CUL7: variants seen among roughly 807,000 people sequenced by gnomAD.
CUL7 encodes cullin-7.
CUL7 carries 96 observed loss-of-function variants against 177.7 expected under a neutral mutation model. The observed-to-expected ratio is 0.54, with a 90% CI of 0.46 to 0.64. The LOEUF (loss-of-function observed/expected upper bound fraction) is 0.64. Ranked by LOEUF, CUL7 falls within the 30% of genes least tolerant of loss-of-function variation. CUL7 has a pLI of 0.00. For missense variants in CUL7, 1,893 were observed against 2,187.9 expected (o/e 0.87, Z 2.69); for synonymous variants, 824 against 890.2 (o/e 0.93, Z 1.32).
chr6:43,051,718 A>G lies in CUL7; in HGVS notation c.626T>C (p.Ile209Thr). The change falls in exon 3 of 26, where the codon ATT becomes ACT. Residue 209 changes from isoleucine (I) to threonine (T), a missense_variant. Around this residue, in one of 5 missense-constraint regions of CUL7, gnomAD observed 653 missense variants for 725.2 expected, o/e 0.90. Coordinates refer to ENST00000265348, the MANE Select transcript of CUL7 (RefSeq NM_014780.5). This position sits in a 1 kb window ranked among gnomAD's most constrained non-coding sequence, Gnocchi z 5.0. ...ILLSLSQQEAIEKHLDFDSRC... is the reference protein window; with the variant it reads ...ILLSLSQQEATEKHLDFDSRC... Reference sequence around the variant, plus strand: ...GCTGTCAAAATCCAGGTGTTTCTCAATGGCTTCTTGTTGGCTCAGTGACAG... The same window carrying G: ...GCTGTCAAAATCCAGGTGTTTCTCAGTGGCTTCTTGTTGGCTCAGTGACAG... 1 of 1,614,138 alleles carries G rather than the reference A, an allele frequency of 6.2e-7. No individual in the cohort carries two copies.
chr6:43,038,452 C>T lies in CUL7; in HGVS notation c.4588G>A (p.Gly1530Ser). ...IPGGVLKIRD[G>S]SKEPRSRWDI... is the part of the protein sequence containing the mutation. ...CATCTCGACCTGGGTTCCTTGCTGC[C>T]ATCTCGAATCTTGAGGACCCCTGAA... is the stretch of plus-strand genomic sequence containing the variant. Residue 1530 changes from glycine to serine, a missense_variant, in exon 25 of 26, where the codon GGC becomes AGC. This residue lies in a region of CUL7 where 248 missense variants were observed against 262.5 expected (regional missense o/e 0.94). Coordinates refer to ENST00000265348, the MANE Select transcript of CUL7 (RefSeq NM_014780.5). The T allele has an allele frequency of 6.2e-7, 1 of 1,614,204 alleles. No individual in the cohort carries two copies. The highest frequency in any genetic ancestry group is 8.5e-7 in the Non-Finnish European group (1 of 1,180,036).
Position 43,050,317 on chromosome 6 carries a change from C to T in CUL7, c.1315G>A (p.Asp439Asn). Residue 439 changes from aspartate to asparagine, a missense_variant, in exon 5 of 26, where the codon GAC becomes AAC. Asp to Asn is a conservative substitution (Grantham distance 23, BLOSUM62 1). Coordinates refer to ENST00000265348, the MANE Select transcript of CUL7 (RefSeq NM_014780.5). This position sits in a 1 kb window ranked among gnomAD's most constrained non-coding sequence, Gnocchi z 4.1. Reference sequence around the variant, plus strand: ...TGGTACTCATCAGCCTCAACCATGTCCTCAATGTCTTCCTCAAAGCCCAAG... The same window carrying T: ...TGGTACTCATCAGCCTCAACCATGTTCTCAATGTCTTCCTCAAAGCCCAAG... Reference protein sequence around the residue: ...EILGFEEDIEDMVEADEYQGA... With the variant: ...EILGFEEDIENMVEADEYQGA... 1.2e-6 allele frequency: 2 copies of T among 1,614,192 alleles called. No homozygotes were observed. The highest frequency in any genetic ancestry group is 1.3e-5 in the African/African-American group (1 of 75,048).
In CUL7 at chr6:43,045,940, G is replaced by T; in HGVS notation, c.2766+46C>A. 1.4e-6 allele frequency: 2 copies of T among 1,471,522 alleles called. No individual in the cohort carries two copies. The highest frequency in any genetic ancestry group is 2.3e-5 in the East Asian group (1 of 43,912). The allele number at this position is 1,471,522 out of a possible 1,614,324, so 91.2% of individuals were successfully genotyped here. A position where few individuals can be genotyped will look rare whatever the true frequency, so the allele number is the denominator to read the frequency against. ...AGGGCCAGATAGAAGCAGGAGGGCA[G>T]ATCCTGTGAGGGGTGGAGTAATGGC... On this transcript the variant is annotated intron_variant, in intron 13 of 25. Coordinates refer to ENST00000265348, the MANE Select transcript of CUL7 (RefSeq NM_014780.5). This position sits in a 1 kb window ranked among gnomAD's most constrained non-coding sequence, Gnocchi z 4.8.
At chr6:43,046,813 A>G in intron 10 of CUL7, 67 bp downstream of exon 10, 3 of 1,225,324 alleles carry the variant, frequency 2.4e-6, no homozygotes, top group Non-Finnish European at 3.6e-6. Context: ...CACAGCCCTT[A>G]CCCGCCACTG....
intron 10 of CUL7, 138 bp from the exon 11 acceptor site, chr6:43,046,739 A>G: frequency 7.2e-7 from 1 of 1,392,672 alleles, no homozygotes; most frequent in Non-Finnish European, 1.0e-6. Flanking sequence ...CAGATGGGGC[A>G]GAGGGGAAGG....
chr6:43,050,852 T>C lies in CUL7; in HGVS notation c.1233+116A>G. ...CTACTGACTCTTTTCACCATTCCAA[T>C]CTTACCTAAAGCTTTCTCTTTGGGT... On this transcript the variant is annotated intron_variant, in intron 4 of 25. Transcript: ENST00000265348. The surrounding 1 kb of genome is among the most constrained non-coding windows in gnomAD (Gnocchi z 4.1). 2 of 1,329,080 alleles carry C rather than the reference T, an allele frequency of 1.5e-6. No homozygotes were observed. Among genetic ancestry groups the C allele is most frequent in the Non-Finnish European group, 2.1e-6 (2 of 948,272 alleles). 82.3% of individuals were successfully genotyped at this position (1,329,080 alleles called of 1,614,324 possible). A position where few individuals can be genotyped will look rare whatever the true frequency, so the allele number is the denominator to read the frequency against.
Position 43,049,995 on chromosome 6 carries a change from G to T in CUL7, c.1537C>A (p.Leu513Ile). 6.2e-7 allele frequency: 1 copy of T among 1,614,166 alleles called. No individual in the cohort carries two copies. The highest frequency in any genetic ancestry group is 8.5e-7 in the Non-Finnish European group (1 of 1,180,038). ...KLDGPDHQEV[L>I]QILQENLDGE... ...TCTAGGTTCTCCTGGAGGATCTGGA[G>T]AACCTCCTGATGGTCAGGTCCATCC... The change falls in exon 6 of 26, where the codon CTC (leucine) becomes ATC (isoleucine). Residue 513 changes from leucine to isoleucine, a missense_variant. By Grantham distance (5) the Leu-to-Ile change is conservative. Coordinates refer to ENST00000265348, the MANE Select transcript of CUL7 (RefSeq NM_014780.5).
At position 43,041,021 on chromosome 6, in the gene CUL7, C is replaced by G. The variant is rs778556381; in HGVS notation, c.3700G>C (p.Gly1234Arg). The G allele has an allele frequency of 6.2e-7, 1 of 1,613,882 alleles. No individual in the cohort carries two copies. Among genetic ancestry groups the G allele is most frequent in the East Asian group, 2.2e-5 (1 of 44,890 alleles). ...AGCCTCTCCATTTCCTGGGCTCCAC[C>G]GATCCGGCTGCCCTGGATCTGCTGG... ...IDQQIQGSRI[G>R]GAQEMERLAQ... Residue 1234 changes from glycine (G) to arginine (R), a missense_variant, in exon 20 of 26, where the codon GGT becomes CGT. Gly to Arg is a moderately radical substitution (Grantham distance 125). This residue lies in a region of CUL7 where 973 missense variants were observed against 1,140.9 expected (regional missense o/e 0.85). Coordinates refer to ENST00000265348, the MANE Select transcript of CUL7 (RefSeq NM_014780.5).
In CUL7 at chr6:43,043,088, C is replaced by T. The variant is rs753135540; in HGVS notation, c.3448G>A (p.Val1150Met). ...CTCCTGCCCACCTGCTTCTCCACCA[C>T]GGCCCGCCAACAGCGCGTCAGGTTT... ...MRNLTRCWRA[V>M]VEKQVNNFLT... Residue 1150 changes from valine to methionine, a missense_variant, in exon 18 of 26, where the codon GTG becomes ATG. Val to Met is a conservative substitution (Grantham distance 21). Transcript: ENST00000265348. The surrounding 1 kb of genome is among the most constrained non-coding windows in gnomAD (Gnocchi z 4.2). 16 of 1,614,008 alleles carry T rather than the reference C, an allele frequency of 9.9e-6. No individual in the cohort carries two copies. The highest frequency in any genetic ancestry group is 5.0e-5 in the Admixed American group (3 of 60,010).
At chr6:43,048,039 A>G in intron 9 of CUL7, 109 bp downstream of exon 9, 1 of 677,890 alleles carries the variant, frequency 1.5e-6, no homozygotes, top group Non-Finnish European at 2.6e-6. Flanking sequence ...TCAAACCAAG[A>G]GCTCAAAGGC....
Position 43,038,352 on chromosome 6 carries a change from CTCT to C in CUL7, c.4685_4687del (p.Lys1562del). The C allele has an allele frequency of 6.2e-7, 1 of 1,614,228 alleles. No homozygotes were observed. Among genetic ancestry groups the C allele is most frequent in the Non-Finnish European group, 8.5e-7 (1 of 1,180,038 alleles). On this transcript the variant is annotated inframe_deletion, in exon 25 of 26. Transcript: ENST00000265348. ...GATGAGGCAGTTCAGAAGATTCCGT[CTCT>C]TCTCCAAGTTCTGGCCGTCTTCACC...
chr6:43,053,607 T>G lies in CUL7; in HGVS notation c.-9+15A>C, dbSNP rs1031533788. On this transcript the variant is annotated intron_variant, in intron 1 of 25. Coordinates refer to ENST00000265348, the MANE Select transcript of CUL7 (RefSeq NM_014780.5). The surrounding 1 kb of genome is among the most constrained non-coding windows in gnomAD (Gnocchi z 4.1). ...GGGAAGGAGAAGCAAGGGGCCGCGG[T>G]GGGGCTCTGGCCACCTCAGAAGTCC... The G allele has an allele frequency of 4.5e-6, 6 of 1,343,616 alleles. No homozygotes were observed. Among genetic ancestry groups the G allele is most frequent in the Non-Finnish European group, 4.8e-6 (5 of 1,049,382 alleles). 83.2% of individuals were successfully genotyped at this position (1,343,616 alleles called of 1,614,324 possible).
Position 43,041,069 on chromosome 6 carries a change from C to T in CUL7, c.3652G>A (p.Glu1218Lys). The T allele has an allele frequency of 6.2e-7, 1 of 1,613,832 alleles. No individual in the cohort carries two copies. Among genetic ancestry groups the T allele is most frequent in the Non-Finnish European group, 8.5e-7 (1 of 1,179,914 alleles). ...LPFLKAAHVSEQFARHIDQQI... is the reference protein window; with the variant it reads ...LPFLKAAHVSKQFARHIDQQI... ...TGGTCAATGTGCCGGGCGAACTGCT[C>T]ACTCACCTGAGCAATGGCAGAGCAC... Residue 1218 changes from glutamate to lysine, a missense_variant, in exon 20 of 26, where the codon GAG becomes AAG. Transcript: ENST00000265348.
intron 19 of CUL7, among the ~76,000 whole-genome samples, chr6:43,041,614 A>G (rs533029478): frequency 2.7e-5 from 4 of 150,898 alleles, no homozygotes; most frequent in African/African-American, 9.9e-5. Context: ...AGAAGTAAAG[A>G]AAGAGAAAGA....
chr6:43,040,957 AAAATCAGGAC>A lies in CUL7; in HGVS notation c.3754_3763del (p.Val1252SerfsTer6). ...AGTGGTGGCTATCTCCAAGCCGGAG[AAAATCAGGAC>A]AGCTTGCAGGCATTGCTGCAGCTGT... is the stretch of plus-strand genomic sequence containing the variant. On this transcript the variant is annotated frameshift_variant, in exon 20 of 26. Coordinates refer to ENST00000265348, the MANE Select transcript of CUL7 (RefSeq NM_014780.5). LOFTEE classifies it high-confidence loss of function. This position sits in a 1 kb window ranked among gnomAD's most constrained non-coding sequence, Gnocchi z 4.2. The A allele has an allele frequency of 1.9e-6, 3 of 1,613,506 alleles. No individual in the cohort carries two copies. Among genetic ancestry groups the A allele is most frequent in the Non-Finnish European group, 2.5e-6 (3 of 1,179,756 alleles).
Position 43,045,693 on chromosome 6 carries a change from G to A in CUL7, c.2767-11C>T. On this transcript the variant is annotated splice_polypyrimidine_tract_variant and intron_variant, in intron 13 of 25. Transcript: ENST00000265348. This position sits in a 1 kb window ranked among gnomAD's most constrained non-coding sequence, Gnocchi z 4.8. ...GGGCATCACATTCACCTGGCAGGGG[G>A]CAGAGAAAGCTGTCACCTCCACACA... 6.2e-7 allele frequency: 1 copy of A among 1,613,884 alleles called. No individual in the cohort carries two copies.
Position 43,051,141 on chromosome 6 carries a change from ACCT to A in CUL7, c.1057_1059del (p.Arg353del). ...TCAGAACGAGGGCGAAAACGTCTTG[ACCT>A]CCTGAAGGAGGGCTGAGCCTGGGCA... On this transcript the variant is annotated inframe_deletion, in exon 4 of 26. Coordinates refer to ENST00000265348, the MANE Select transcript of CUL7 (RefSeq NM_014780.5). The surrounding 1 kb of genome is among the most constrained non-coding windows in gnomAD (Gnocchi z 5.0). 6.2e-7 allele frequency: 1 copy of A among 1,614,028 alleles called. No individual in the cohort carries two copies. The highest frequency in any genetic ancestry group is 8.5e-7 in the Non-Finnish European group (1 of 1,180,004).
Position 43,046,034 on chromosome 6 carries a change from C to T in CUL7, c.2718G>A (p.Val906=), listed in dbSNP as rs772473573. Residue 906 remains valine (V), a synonymous_variant, in exon 13 of 26, where the codon GTG becomes GTA. Coordinates refer to ENST00000265348, the MANE Select transcript of CUL7 (RefSeq NM_014780.5). ...EDSSYMPARV[V]VCGGDSTSSL... ...AGCTAGTGCTATCACCCCCGCACAC[C>T]ACCACTCGGGCCGGCATGTAACTCG... is the stretch of plus-strand genomic sequence containing the variant. 6.2e-7 allele frequency: 1 copy of T among 1,614,164 alleles called. No individual in the cohort carries two copies. Among genetic ancestry groups the T allele is most frequent in the Non-Finnish European group, 8.5e-7 (1 of 1,180,018 alleles).
In CUL7 at chr6:43,042,919, A is replaced by G; in HGVS notation, c.3528T>C (p.Phe1176=). The change falls in exon 19 of 26, where the codon TTT becomes TTC. Residue 1176 remains phenylalanine, a synonymous_variant. Transcript: ENST00000265348. Reference sequence around the variant, plus strand: ...CAGAGCTTGAGTTCTGCAGAATATTAAAGTGCTCACAGTAGCGTGGCACAA... The same window carrying G: ...CAGAGCTTGAGTTCTGCAGAATATTGAAGTGCTCACAGTAGCGTGGCACAA... ...DDFVPRYCEH[F]NILQNSSSEL... is the part of the protein sequence containing the mutation. The G allele has an allele frequency of 6.2e-7, 1 of 1,614,164 alleles. No individual in the cohort carries two copies. Among genetic ancestry groups the G allele is most frequent in the Non-Finnish European group, 8.5e-7 (1 of 1,179,998 alleles).
Sources: allele counts gnomAD v4.1 joint callset (sites outside exome capture counted in the v4.1 genomes callset), GRCh38; gene constraint gnomAD v4.1.1; regional missense constraint gnomAD v4.1.1; non-coding constraint Gnocchi (gnomAD v3.1); transcripts MANE v1.5; gene names NCBI Gene and HGNC (gene_info 2026-07-23, HGNC 2026-07-21).